The following OR1J2 variants were observed in gnomAD, a reference collection of about 807,000 sequenced individuals.
The protein encoded by OR1J2 is olfactory receptor 1J2.
For missense variants in OR1J2, 304 were observed against 246.1 expected (o/e 1.24, Z -1.57); for synonymous variants, 142 against 99.7 (o/e 1.42, Z -2.52).
At chr9:122,547,964 G>T in the OR1J2 span, among the ~76,000 whole-genome samples, 4 of 151,996 alleles carry the variant, frequency 2.6e-5, no homozygotes, top group Middle Eastern at 3.4e-3. Context: ...ATTATTTTTT[G>T]ACTTTTACAA....
At chr9:122,526,458 A>T in the OR1J2 span, 1 of 1,544,382 alleles carries the variant, frequency 6.5e-7, no homozygotes, top group South Asian at 1.3e-5. Context: ...CATGGGAGTC[A>T]CTATGGTGTA....
At chr9:122,492,147 T>TCCTC in the OR1J2 span, among the ~76,000 whole-genome samples, 2 of 152,036 alleles carry the variant, frequency 1.3e-5, no homozygotes, top group Non-Finnish European at 2.9e-5. Context: ...AACTGTTGCC[T>TCCTC]CCTCCCTCCC....
the OR1J2 span, among the ~76,000 whole-genome samples, chr9:122,484,381 C>T: frequency 4.2e-4 from 64 of 152,148 alleles, no homozygotes; most frequent in African/African-American, 1.5e-3. Flanking sequence ...AGGATGGTCT[C>T]GATCTCTTGA....
chr9:122,547,666 CACT>C, the OR1J2 span, among the ~76,000 whole-genome samples: 6 of 148,338 alleles, frequency 4.0e-5, no homozygotes, highest in Non-Finnish European at 3.0e-5. Flanking sequence ...TGTACATACA[CACT>C]ACATTTTCTT....
the OR1J2 span, among the ~76,000 whole-genome samples, chr9:122,544,406 C>CTTTT: frequency 4.2e-5 from 6 of 143,686 alleles, no homozygotes; most frequent in Middle Eastern, 7.9e-3. Flanking sequence ...TCAAAATAGC[C>CTTTT]TCTTTTTTCT....
At chr9:122,553,936 C>T in the OR1J2 span, 4 of 1,614,024 alleles carry the variant, frequency 2.5e-6, no homozygotes, top group Non-Finnish European at 3.4e-6. Flanking sequence ...AAGGCCTTCT[C>T]TACCTGTGGT....
chr9:122,476,023 T>G, the OR1J2 span, among the ~76,000 whole-genome samples: 1 of 152,192 alleles, frequency 6.6e-6, no homozygotes, highest in South Asian at 2.1e-4. Flanking sequence ...GAGCCTGAGT[T>G]TTTTAAACTT....
At chr9:122,545,920 A>G in the OR1J2 span, among the ~76,000 whole-genome samples, 1 of 37,680 alleles carries the variant, frequency 2.7e-5, no homozygotes, top group Non-Finnish European at 4.6e-5. Context: ...CAAAAGAATG[A>G]AAAAAAAACA....
chr9:122,568,152 C>T, the OR1J2 span: 1 of 1,614,122 alleles, frequency 6.2e-7, no homozygotes. Flanking sequence ...GTCACTGTTG[C>T]CCAAGGCATA....
At chr9:122,447,818 T>A in the OR1J2 span, among the ~76,000 whole-genome samples, 3 of 152,170 alleles carry the variant, frequency 2.0e-5, no homozygotes, top group African/African-American at 7.2e-5. Flanking sequence ...GAAGGATACA[T>A]ACAACAGACA....
the OR1J2 span, among the ~76,000 whole-genome samples, chr9:122,470,882 CT>C: frequency 6.6e-6 from 1 of 152,150 alleles, no homozygotes; most frequent in East Asian, 1.9e-4. Context: ...CCTGTAGCCC[CT>C]TTGTTTTGGC....
chr9:122,566,735 A>G, the OR1J2 span, among the ~76,000 whole-genome samples: 37 of 150,654 alleles, frequency 2.5e-4, 1 homozygote, highest in East Asian at 5.8e-3. Context: ...ATATTACTCA[A>G]TACAAATTTA....
chr9:122,453,077 C>T, the OR1J2 span, among the ~76,000 whole-genome samples: 2 of 152,048 alleles, frequency 1.3e-5, no homozygotes, highest in Non-Finnish European at 2.9e-5. Context: ...CCCGTATCCC[C>T]GCCTTGCTCC....
the OR1J2 span, chr9:122,477,624 T>C: frequency 1.9e-6 from 3 of 1,614,062 alleles, no homozygotes; most frequent in African/African-American, 2.7e-5. Flanking sequence ...TGAAAAAATA[T>C]GTCTGTGAAA....
chr9:122,494,275 G>A, the OR1J2 span, among the ~76,000 whole-genome samples: 1 of 152,098 alleles, frequency 6.6e-6, no homozygotes, highest in South Asian at 2.1e-4. Flanking sequence ...TGCTGTCAGT[G>A]GAGTGTTAAA....
chr9:122,568,520 A>T, the OR1J2 span: 3 of 1,177,810 alleles, frequency 2.5e-6, no homozygotes, highest in African/African-American at 3.1e-5. Context: ...GTCATTTAAC[A>T]TGCTCTGATT....
the OR1J2 span, among the ~76,000 whole-genome samples, chr9:122,495,056 G>T: frequency 6.6e-6 from 1 of 151,302 alleles, no homozygotes; most frequent in Admixed American, 6.6e-5. Flanking sequence ...GAAATCTGCT[G>T]TTAATCTGAT....
At chr9:122,570,676 G>A in the OR1J2 span, among the ~76,000 whole-genome samples, 1,109 of 152,302 alleles carry the variant, frequency 7.3e-3, 10 homozygotes, top group Middle Eastern at 0.024. Context: ...ATTCCTGCAT[G>A]TTCTCAAAAC....
chr9:122,580,161 TCTG>T, the OR1J2 span, among the ~76,000 whole-genome samples: 9 of 151,798 alleles, frequency 5.9e-5, no homozygotes, highest in African/African-American at 2.2e-4. Flanking sequence ...ACAATGAAAA[TCTG>T]CTGCAGAAAA....
Sources: gnomAD v4.1 joint callset for allele counts (sites outside exome capture counted in the v4.1 genomes callset) on GRCh38, gnomAD v4.1.1 for gene constraint, MANE v1.5 for transcripts, NCBI Gene and HGNC (gene_info 2026-07-23, HGNC 2026-07-21) for gene names.